The following HIVEP2 variants were observed in gnomAD, a reference collection of about 807,000 sequenced individuals.
HIVEP2 encodes the protein HIVEP zinc finger 2.
A neutral mutation model predicts 180.7 loss-of-function variants in HIVEP2; 14 were observed. The observed-to-expected ratio is 0.08, with a 90% confidence interval of 0.05 to 0.12. The LOEUF (loss-of-function observed/expected upper bound fraction) is 0.12. HIVEP2 is among the 10% of genes least tolerant of loss of function. HIVEP2 has a pLI of 1.00. For missense variants in HIVEP2, 2,579 were observed against 3,008.5 expected, an observed-to-expected ratio of 0.86 and a Z score of 3.34; for synonymous variants, 1,184 against 1,136.4, an observed-to-expected ratio of 1.04 and a Z score of -0.84.
At position 142,764,868 on chromosome 6, in the gene HIVEP2, G is replaced by A. The variant is rs776650343; in HGVS notation, c.5449C>T (p.His1817Tyr). The change falls in exon 7 of 10, where the codon CAC becomes TAC. Residue 1817 changes from histidine to tyrosine, a missense_variant. Physicochemically the swap from His to Tyr is moderately conservative, Grantham distance 83 (BLOSUM62 2). Around this residue, in one of 11 missense-constraint regions of HIVEP2, gnomAD observed 21 missense variants for 86.8 expected, o/e 0.24. Coordinates refer to ENST00000367603, the MANE Select transcript of HIVEP2 (RefSeq NM_006734.4). ...RCKKPSMLKK[H>Y]IRTHTDVRPY... ...CGAACATCAGTATGGGTACGGATGT[G>A]TTTTTTGAGCATGCTTGGCTTCTTA... 1 of 1,613,958 alleles carries A rather than the reference G, an allele frequency of 6.2e-7. No homozygotes were observed. Among genetic ancestry groups the A allele is most frequent in the Non-Finnish European group, 8.5e-7 (1 of 1,179,890 alleles).
chr6:142,883,863 A>C (rs1776634485), intron 1 of HIVEP2, among the ~76,000 whole-genome samples: 1 of 152,196 alleles, frequency 6.6e-6, no homozygotes, highest in Non-Finnish European at 1.5e-5. Context: ...CAAATTTCAA[A>C]TTATAAATTT....
intron 6 of HIVEP2, 126 bp from the exon 7 acceptor site, chr6:142,765,100 T>C: frequency 1.2e-6 from 1 of 804,286 alleles, no homozygotes; most frequent in Non-Finnish European, 1.9e-6. Context: ...TATTCAACTT[T>C]ACTTCTACGA....
intron 1 of HIVEP2, among the ~76,000 whole-genome samples, chr6:142,935,201 G>A (rs773907455): frequency 1.3e-5 from 2 of 152,224 alleles, no homozygotes; most frequent in Non-Finnish European, 2.9e-5. Context: ...GACACATGGA[G>A]GCACTTGTTT....
chr6:142,805,865 C>T (rs563272799), intron 2 of HIVEP2, among the ~76,000 whole-genome samples: 3 of 152,200 alleles, frequency 2.0e-5, no homozygotes, highest in African/African-American at 7.2e-5. Flanking sequence ...ATTTAATGAG[C>T]ATATACCAAG....
At chr6:142,810,935 A>G (rs1012598587) in intron 2 of HIVEP2, among the ~76,000 whole-genome samples, 2 of 152,150 alleles carry the variant, frequency 1.3e-5, no homozygotes, top group Non-Finnish European at 2.9e-5. Context: ...TCAACATTAA[A>G]TATTCAAAGC....
At chr6:142,769,086 A>G (rs543541472) in intron 5 of HIVEP2, among the ~76,000 whole-genome samples, 1 of 152,220 alleles carries the variant, frequency 6.6e-6, no homozygotes, top group Non-Finnish European at 1.5e-5. Context: ...AAGGAGACAG[A>G]TGTCTCGTCA....
chr6:142,913,306 CT>C (rs577425050), intron 1 of HIVEP2, among the ~76,000 whole-genome samples: 1 of 152,346 alleles, frequency 6.6e-6, no homozygotes, highest in South Asian at 2.1e-4. Flanking sequence ...TTCCTTCATG[CT>C]ATCATTTGGA....
In HIVEP2 at chr6:142,895,169, A is replaced by G. The variant is rs141227606; in HGVS notation, c.-641+49930T>C. On this transcript the variant is annotated intron_variant, in intron 1 of 9. Coordinates refer to ENST00000367603, the MANE Select transcript of HIVEP2 (RefSeq NM_006734.4). ...TTTATAGCCAGTTACCTCTTCTTGA[A>G]CAGTATCTTGATATGTTTTCTGTGC... Among the ~76,000 whole-genome samples the G allele has an allele frequency of 2.8e-3, 424 of 152,282 alleles. 1 individual carries two copies. Among genetic ancestry groups the G allele is most frequent in the African/African-American group, 9.5e-3 (395 of 41,552 alleles).
intron 1 of HIVEP2, among the ~76,000 whole-genome samples, chr6:142,890,889 T>C (rs1305511339): frequency 6.6e-6 from 1 of 152,156 alleles, no homozygotes; most frequent in Non-Finnish European, 1.5e-5. Context: ...AATTTTAAAA[T>C]AATTATAAGG....
At chr6:142,878,991 C>A (rs1374460715) in intron 1 of HIVEP2, among the ~76,000 whole-genome samples, 1 of 152,074 alleles carries the variant, frequency 6.6e-6, no homozygotes, top group African/African-American at 2.4e-5. Context: ...CATGTCTGAT[C>A]CTCTATTATG....
chr6:142,840,574 T>A (rs1463440812), intron 1 of HIVEP2, among the ~76,000 whole-genome samples: 2 of 152,170 alleles, frequency 1.3e-5, no homozygotes, highest in Admixed American at 1.3e-4. Flanking sequence ...TCTGATTTTT[T>A]AATTTAACAT....
At chr6:142,800,857 T>C (rs1209812801) in intron 2 of HIVEP2, among the ~76,000 whole-genome samples, 1 of 152,186 alleles carries the variant, frequency 6.6e-6, no homozygotes, top group African/African-American at 2.4e-5. Context: ...GGTCATGTGC[T>C]ATAACAGACA....
chr6:142,914,007 A>C (rs1339282573), intron 1 of HIVEP2, among the ~76,000 whole-genome samples: 6 of 140,884 alleles, frequency 4.3e-5, no homozygotes, highest in Non-Finnish European at 3.0e-5. Context: ...TCAGTATATG[A>C]AAAAAAAAAA....
chr6:142,783,392 C>A (rs1318965666), intron 3 of HIVEP2, 129 bp downstream of exon 3: 1 of 144,746 alleles, frequency 6.9e-6, no homozygotes, highest in Non-Finnish European at 1.5e-5. Flanking sequence ...CAAAACAACA[C>A]TTTTCTCTCT....
chr6:142,896,855 A>T (rs1480809179), intron 1 of HIVEP2, among the ~76,000 whole-genome samples: 1 of 152,086 alleles, frequency 6.6e-6, no homozygotes, highest in African/African-American at 2.4e-5. Flanking sequence ...CTTGGTCAGC[A>T]CATATAAACA....
rs1372078840 is a variant in HIVEP2, at chr6:142,813,733, A to AT, written c.-528+23201dup. On this transcript the variant is annotated intron_variant, in intron 2 of 9. Coordinates refer to ENST00000367603, the MANE Select transcript of HIVEP2 (RefSeq NM_006734.4). ...TGGGACTATAGGTACATGCCCCAGA[A>AT]TTTTTTATTTTTTTGTAGAGACAAG... is the stretch of plus-strand genomic sequence containing the variant. Among the ~76,000 whole-genome samples the AT allele has an allele frequency of 7.9e-5, 12 of 151,740 alleles. No individual in the cohort carries two copies. In the South Asian group the frequency reaches 2.5e-3, roughly 32 times the overall value.
chr6:142,916,863 A>C (rs551993579), intron 1 of HIVEP2, among the ~76,000 whole-genome samples: 3 of 152,200 alleles, frequency 2.0e-5, no homozygotes, highest in Non-Finnish European at 4.4e-5. Flanking sequence ...ACAGTAAGCA[A>C]ATATCCTTTA....
intron 2 of HIVEP2, among the ~76,000 whole-genome samples, chr6:142,831,278 C>T (rs796151219): frequency 8.5e-5 from 13 of 152,166 alleles, no homozygotes; most frequent in African/African-American, 2.9e-4. Context: ...CTGAGGTCTG[C>T]GATGCAGTGC....
rs778757832 is a variant in HIVEP2 at position 142,753,729 on chromosome 6, A to G, written c.6719T>C (p.Met2240Thr). The change falls in exon 10 of 10, where the codon ATG becomes ACG. Residue 2240 changes from methionine (M) to threonine (T), a missense_variant. By Grantham distance (81) the Met-to-Thr change is moderately conservative (BLOSUM62 -1). Transcript: ENST00000367603. ...PVGGIQMVHS[M>T]PPALSSLHPS... Reference sequence around the variant, plus strand: ...ATGTAAACTGGAAAGGGCTGGCGGCATGGAGTGAACCATCTGGATCCCACC... The same window carrying G: ...ATGTAAACTGGAAAGGGCTGGCGGCGTGGAGTGAACCATCTGGATCCCACC... 6.2e-7 allele frequency: 1 copy of G among 1,614,214 alleles called. No homozygotes were observed. Among genetic ancestry groups the G allele is most frequent in the Non-Finnish European group, 8.5e-7 (1 of 1,180,040 alleles).
Sources: allele counts gnomAD v4.1 joint callset (sites outside exome capture counted in the v4.1 genomes callset), GRCh38; gene constraint gnomAD v4.1.1; regional missense constraint gnomAD v4.1.1; transcripts MANE v1.5; gene names NCBI Gene and HGNC (gene_info 2026-07-23, HGNC 2026-07-21).